HOOK1: variants seen among roughly 807,000 people sequenced by gnomAD.
HOOK1 encodes the protein hook microtubule tethering protein 1.
HOOK1 carries 60 observed loss-of-function variants against 112.8 expected under a neutral mutation model. That is an observed-to-expected ratio of 0.53 (90% CI 0.43 to 0.66). The LOEUF (loss-of-function observed/expected upper bound fraction) is 0.66. HOOK1 is among the 30% of genes least tolerant of loss of function. The probability of loss-of-function intolerance (pLI) is 0.00; values close to 1 mark genes in which losing one functional copy is unlikely to be tolerated. For missense variants in HOOK1, 770 were observed against 856.0 expected, an observed-to-expected ratio of 0.90 and a Z score of 1.25; for synonymous variants, 294 against 283.8, an observed-to-expected ratio of 1.04 and a Z score of -0.36.
At position 59,860,325 on chromosome 1, in the gene HOOK1, A is replaced by G. The variant is rs1250828659; in HGVS notation, c.1529A>G (p.Gln510Arg). The G allele has an allele frequency of 2.5e-6, 4 of 1,590,928 alleles. No homozygotes were observed. The highest frequency in any genetic ancestry group is 3.4e-6 in the Non-Finnish European group (4 of 1,170,016). ...HRKMNELETE[Q>R]RLSKERIREL... Reference sequence around the variant, plus strand: ...AAAATGAATGAACTGGAAACTGAGCAGAGGTGATATGCTCCTTAGTAACTG... The same window carrying G: ...AAAATGAATGAACTGGAAACTGAGCGGAGGTGATATGCTCCTTAGTAACTG... Residue 510 changes from glutamine (Q) to arginine (R), a missense_variant, in exon 15 of 22, where the codon CAG (glutamine) becomes CGG (arginine). Physicochemically the swap from Gln to Arg is conservative, Grantham distance 43. This residue lies in a region of HOOK1 where 655 missense variants were observed against 725.9 expected (regional missense o/e 0.90). Coordinates refer to ENST00000371208, the MANE Select transcript of HOOK1 (RefSeq NM_015888.6).
At chr1:59,858,138 T>C (rs2098411652) in intron 12 of HOOK1, among the ~76,000 whole-genome samples, 1 of 152,250 alleles carries the variant, frequency 6.6e-6, no homozygotes, top group Non-Finnish European at 1.5e-5. Context: ...AACCATGGTC[T>C]TTATGCCTCC....
At chr1:59,854,490 C>T (rs35913406) in intron 12 of HOOK1, among the ~76,000 whole-genome samples, 378 of 152,006 alleles carry the variant, frequency 2.5e-3, no homozygotes, top group Non-Finnish European at 4.5e-3. Flanking sequence ...GCTAATGATA[C>T]ATTCTCTGTT....
intron 6 of HOOK1, among the ~76,000 whole-genome samples, chr1:59,835,954 G>A (rs1281492817): frequency 6.6e-6 from 1 of 152,014 alleles, no homozygotes; most frequent in Admixed American, 6.6e-5. Context: ...ATGGCCTGGG[G>A]GTTGGGGACC....
At chr1:59,850,812 A>C (rs2098406761) in intron 12 of HOOK1, among the ~76,000 whole-genome samples, 1 of 151,512 alleles carries the variant, frequency 6.6e-6, no homozygotes. Context: ...ACAAATTACC[A>C]CACAAATGCA....
chr1:59,828,983 G>A lies in HOOK1; in HGVS notation c.222+131G>A, dbSNP rs1574181208. 4 of 656,170 alleles carry A rather than the reference G, an allele frequency of 6.1e-6. No homozygotes were observed. In the East Asian group the frequency reaches 8.3e-5, roughly 14 times the overall value. The allele number at this position is 656,170 out of a possible 1,614,324, so 40.6% of individuals were successfully genotyped here. A position where few individuals can be genotyped will look rare whatever the true frequency, so the allele number is the denominator to read the frequency against. ...GTGTATAGTTTGAGTTTTAACACAT[G>A]TATTCTCTCATGTAACTACCATCAT... On this transcript the variant is annotated intron_variant, in intron 3 of 21. Coordinates refer to ENST00000371208, the MANE Select transcript of HOOK1 (RefSeq NM_015888.6).
chr1:59,836,599 G>T (rs1307965333), intron 6 of HOOK1, among the ~76,000 whole-genome samples: 1 of 151,904 alleles, frequency 6.6e-6, no homozygotes, highest in Non-Finnish European at 1.5e-5. Context: ...ATGTCTTTTA[G>T]GACTTGTATT....
Position 59,835,345 on chromosome 1 carries a change from A to G in HOOK1, c.407A>G (p.Glu136Gly), listed in dbSNP as rs772430266. 1.5e-5 allele frequency: 23 copies of G among 1,549,962 alleles called. No homozygotes were observed. Among genetic ancestry groups the G allele is most frequent in the Middle Eastern group, 1.7e-4 (1 of 5,912 alleles). Residue 136 changes from glutamate to glycine, a missense_variant and splice_region_variant, in exon 6 of 22, where the codon GAA becomes GGA. Coordinates refer to ENST00000371208, the MANE Select transcript of HOOK1 (RefSeq NM_015888.6). ...GCAINCEKKQEHIQNIMTLEE... is the reference protein window; with the variant it reads ...GCAINCEKKQGHIQNIMTLEE... ...CAGATTTGATTTTTTTAAATCATAG[A>G]ACATATTCAAAATATAATGACACTG... is the stretch of plus-strand genomic sequence containing the variant.
chr1:59,821,960 C>T lies in HOOK1; in HGVS notation c.149+17C>T, dbSNP rs760703375. 3.8e-6 allele frequency: 6 copies of T among 1,590,266 alleles called. No individual in the cohort carries two copies. The highest frequency in any genetic ancestry group is 1.7e-4 in the Middle Eastern group (1 of 6,044). On this transcript the variant is annotated intron_variant, in intron 2 of 21. Transcript: ENST00000371208. ...TCATCAAATGTGAGTAGTGGTCAGA[C>T]TCTCCCTGAAAAGCATTGTAAACCC...
rs1027852096 is a variant in HOOK1 at position 59,858,971 on chromosome 1, T to G, written c.1331-14T>G. ...AAATACTGAAATGCTAATTTATTTT[T>G]TGTTATTTTTTAGATGCATCTGCTA... On this transcript the variant is annotated splice_polypyrimidine_tract_variant and intron_variant, in intron 13 of 21. Coordinates refer to ENST00000371208, the MANE Select transcript of HOOK1 (RefSeq NM_015888.6). 2.0e-6 allele frequency: 3 copies of G among 1,498,860 alleles called. No individual in the cohort carries two copies. Among genetic ancestry groups the G allele is most frequent in the Non-Finnish European group, 2.8e-6 (3 of 1,078,544 alleles). 92.8% of individuals were successfully genotyped at this position (1,498,860 alleles called of 1,614,324 possible).
At position 59,864,274 on chromosome 1, in the gene HOOK1, TA is replaced by T. The variant is rs934532116; in HGVS notation, c.1627-355del. ...AAAATCTTAAAATTTTTATTCTGAA[TA>T]AATGATTTTTAAAATATTTTAATGT... On this transcript the variant is annotated intron_variant, in intron 16 of 21. Coordinates refer to ENST00000371208, the MANE Select transcript of HOOK1 (RefSeq NM_015888.6). Among the ~76,000 whole-genome samples, 23 of 152,046 alleles carry T rather than the reference TA, an allele frequency of 1.5e-4. 1 individual carries two copies. In the South Asian group the frequency reaches 2.5e-3, roughly 16 times the overall value.
chr1:59,824,728 C>T (rs2098388585), intron 2 of HOOK1, among the ~76,000 whole-genome samples: 1 of 152,142 alleles, frequency 6.6e-6, no homozygotes, highest in Non-Finnish European at 1.5e-5. Context: ...CATAAAGAGT[C>T]ATGGAGTTAT....
At chr1:59,845,188 CCTT>C (rs2098403040) in intron 9 of HOOK1, among the ~76,000 whole-genome samples, 1 of 151,824 alleles carries the variant, frequency 6.6e-6, no homozygotes. Flanking sequence ...TCCTTAGGTC[CCTT>C]TAACCTCTTT....
chr1:59,844,771 G>T (rs949516578), intron 9 of HOOK1, among the ~76,000 whole-genome samples: 1 of 151,794 alleles, frequency 6.6e-6, no homozygotes, highest in South Asian at 2.1e-4. Flanking sequence ...TAGAAGTCTT[G>T]TATGTCTTTT....
chr1:59,860,242 A>G lies in HOOK1; in HGVS notation c.1446A>G (p.Glu482=), dbSNP rs2098412849. The change falls in exon 15 of 22, where the codon GAA becomes GAG. Residue 482 remains glutamate, a synonymous_variant. Transcript: ENST00000371208. ...ATAAGATGCTTCGCTTACAGCAAGA[A>G]GGCTCTGAGAATGAACGTATTGAGG... ...HENKMLRLQQ[E]GSENERIEEL... The G allele has an allele frequency of 2.5e-6, 4 of 1,610,538 alleles. No homozygotes were observed. Among genetic ancestry groups the G allele is most frequent in the Non-Finnish European group, 2.5e-6 (3 of 1,177,962 alleles).
In HOOK1 at chr1:59,849,928, G is replaced by A. The variant is rs191605137; in HGVS notation, c.1242+745G>A. The stretch of plus-strand genomic sequence containing the variant: ...TATGAATAATGCTATGAATGTTTAT[G>A]TACAAATTTTTATTTAGATATGTTT... On this transcript the variant is annotated intron_variant, in intron 12 of 21. Coordinates refer to ENST00000371208, the MANE Select transcript of HOOK1 (RefSeq NM_015888.6). 4.0e-5 allele frequency among the ~76,000 whole-genome samples: 6 copies of A among 151,668 alleles called. No individual in the cohort carries two copies. In the East Asian group the frequency reaches 1.2e-3, roughly 29 times the overall value.
rs773347243 is a variant in HOOK1, at chr1:59,865,218, G to T, written c.1717G>T (p.Asp573Tyr). 11 of 1,607,436 alleles carry T rather than the reference G, an allele frequency of 6.8e-6. No individual in the cohort carries two copies. The Admixed American group carries it at 1.8e-4, about 27-fold the overall frequency. Residue 573 changes from aspartate (D) to tyrosine (Y), a missense_variant, in exon 18 of 22, where the codon GAT becomes TAT. Asp to Tyr is a radical substitution (Grantham distance 160, BLOSUM62 -3). Around this residue, in one of 3 missense-constraint regions of HOOK1, gnomAD observed 655 missense variants for 725.9 expected, o/e 0.90. Transcript: ENST00000371208. ...ACAGAAGAAACAAGAACTCATTGAA[G>T]ATCTTCAGCCAGATATAAATCAAAA... ...ELQKKQELIEDLQPDINQNVQ... is the reference protein window; with the variant it reads ...ELQKKQELIEYLQPDINQNVQ...
chr1:59,855,271 G>C (rs567579087), intron 12 of HOOK1, among the ~76,000 whole-genome samples: 1 of 152,118 alleles, frequency 6.6e-6, no homozygotes, highest in South Asian at 2.1e-4. Flanking sequence ...TATCTTTTCT[G>C]CTCCTCTCTC....
rs1351285029 is a variant in HOOK1, at chr1:59,859,013, T to C, written c.1359T>C (p.Asn453=). The change falls in exon 14 of 22, where the codon AAT becomes AAC. Residue 453 remains asparagine, a synonymous_variant. Coordinates refer to ENST00000371208, the MANE Select transcript of HOOK1 (RefSeq NM_015888.6). ...TDASATKSYE[N]LAAEIMPVEY... ...CATCTGCTACAAAAAGTTATGAGAATCTTGCTGCTGAGATTATGCCAGTGG... is the reference window on the plus strand; with the variant it reads ...CATCTGCTACAAAAAGTTATGAGAACCTTGCTGCTGAGATTATGCCAGTGG... 1.9e-6 allele frequency: 3 copies of C among 1,574,334 alleles called. No homozygotes were observed. The highest frequency in any genetic ancestry group is 1.4e-5 in the African/African-American group (1 of 73,530).
chr1:59,822,340 T>C (rs568738634), intron 2 of HOOK1, among the ~76,000 whole-genome samples: 1 of 152,342 alleles, frequency 6.6e-6, no homozygotes, highest in South Asian at 2.1e-4. Flanking sequence ...TAAAAATTAT[T>C]GAAGCATAAA....
Sources: allele counts gnomAD v4.1 joint callset (sites outside exome capture counted in the v4.1 genomes callset), GRCh38; gene constraint gnomAD v4.1.1; regional missense constraint gnomAD v4.1.1; transcripts MANE v1.5; gene names NCBI Gene and HGNC (gene_info 2026-07-23, HGNC 2026-07-21).